Variants in CWC27 observed in about 807,000 individuals in gnomAD.
CWC27 encodes spliceosome-associated protein CWC27 homolog.
A neutral mutation model predicts 63.6 loss-of-function variants in CWC27; 47 were observed. The ratio of observed to expected loss-of-function variants is 0.74; its 90% CI spans 0.58 to 0.94. The LOEUF is 0.94. Ranked by LOEUF, CWC27 falls within the 40% of genes least tolerant of loss-of-function variation. The pLI is 0.00. For missense variants in CWC27, 495 were observed against 554.3 expected (o/e 0.89, Z 1.07); for synonymous variants, 175 against 179.8 (o/e 0.97, Z 0.22).
intron 6 of CWC27, among the ~76,000 whole-genome samples, chr5:64,787,556 AT>A (rs1743931219): frequency 2.0e-5 from 3 of 151,666 alleles, no homozygotes; most frequent in Admixed American, 6.6e-5. Flanking sequence ...GCTATTAAAA[AT>A]AATATTATTA....
chr5:64,926,130 C>T (rs1024020426), intron 11 of CWC27, among the ~76,000 whole-genome samples: 2 of 152,086 alleles, frequency 1.3e-5, no homozygotes, highest in Non-Finnish European at 2.9e-5. Flanking sequence ...TGCTACTTAC[C>T]ACATTCTGCC....
At chr5:64,989,018 C>CT (rs1306930007) in intron 13 of CWC27, among the ~76,000 whole-genome samples, 1 of 152,154 alleles carries the variant, frequency 6.6e-6, no homozygotes, top group Non-Finnish European at 1.5e-5. Context: ...TCAATACCTT[C>CT]TATTGTCGTG....
chr5:65,015,601 C>T (rs777558424), intron 13 of CWC27, among the ~76,000 whole-genome samples: 5 of 152,130 alleles, frequency 3.3e-5, no homozygotes, highest in Non-Finnish European at 5.9e-5. Context: ...CATTCTTCTG[C>T]ACTTACTTCT....
chr5:64,980,188 T>A (rs1749309349), intron 13 of CWC27, among the ~76,000 whole-genome samples: 1 of 152,224 alleles, frequency 6.6e-6, no homozygotes, highest in Admixed American at 6.5e-5. Flanking sequence ...TATTTAGTGA[T>A]AGTGATGGTA....
At chr5:64,835,213 T>G (rs1380067747) in intron 10 of CWC27, among the ~76,000 whole-genome samples, 3 of 151,928 alleles carry the variant, frequency 2.0e-5, no homozygotes, top group Middle Eastern at 3.4e-3. Flanking sequence ...CACTGTGCAT[T>G]AACATAATGT....
rs201549807 is a variant in CWC27 at position 64,922,270 on chromosome 5, T to A, written c.1042+36724T>A. Among the ~76,000 whole-genome samples, 7 of 152,364 alleles carry A rather than the reference T, an allele frequency of 4.6e-5. No individual in the cohort carries two copies. In the East Asian group the frequency reaches 1.3e-3, roughly 29 times the overall value. ...TCTTATTCTCTTTCAGGAATGTCAA[T>A]GAATTATAGGTTTGGTGTTTTTACA... On this transcript the variant is annotated intron_variant, in intron 11 of 13. Transcript: ENST00000381070.
chr5:64,822,260 A>C (rs1257331062), intron 10 of CWC27, among the ~76,000 whole-genome samples: 1 of 152,216 alleles, frequency 6.6e-6, no homozygotes, highest in African/African-American at 2.4e-5. Context: ...TGCATCCATC[A>C]AACAGTTTTT....
intron 11 of CWC27, among the ~76,000 whole-genome samples, chr5:64,927,637 C>A (rs1748145294): frequency 6.6e-6 from 1 of 152,120 alleles, no homozygotes; most frequent in Non-Finnish European, 1.5e-5. Context: ...AAAAGTCTGT[C>A]TGTATCCTCT....
intron 13 of CWC27, among the ~76,000 whole-genome samples, chr5:64,998,680 T>C (rs1458966862): frequency 6.6e-6 from 1 of 152,110 alleles, no homozygotes; most frequent in African/African-American, 2.4e-5. Context: ...TTTTCCATGA[T>C]AGTGGTGAAC....
At chr5:65,010,806 A>C (rs1749940812) in intron 13 of CWC27, among the ~76,000 whole-genome samples, 1 of 152,208 alleles carries the variant, frequency 6.6e-6, no homozygotes, top group Non-Finnish European at 1.5e-5. Context: ...ACCTTGTTTC[A>C]GCTGTTCGAG....
At chr5:64,979,135 A>G (rs1188659925) in intron 13 of CWC27, among the ~76,000 whole-genome samples, 2 of 152,228 alleles carry the variant, frequency 1.3e-5, no homozygotes, top group African/African-American at 2.4e-5. Context: ...TAGAAAGTTT[A>G]AAACGGGGAA....
chr5:65,016,096 T>A (rs776879806), intron 13 of CWC27, among the ~76,000 whole-genome samples: 2 of 152,222 alleles, frequency 1.3e-5, no homozygotes, highest in Non-Finnish European at 1.5e-5. Flanking sequence ...CTTAATACCA[T>A]GGCTGTCGAA....
At chr5:64,920,571 G>C (rs568387539) in intron 11 of CWC27, among the ~76,000 whole-genome samples, 1 of 152,294 alleles carries the variant, frequency 6.6e-6, no homozygotes, top group South Asian at 2.1e-4. Context: ...ATTCAGCTGT[G>C]AATCCATCTA....
intron 11 of CWC27, among the ~76,000 whole-genome samples, chr5:64,912,722 C>T (rs959458795): frequency 6.6e-6 from 1 of 152,110 alleles, no homozygotes; most frequent in Non-Finnish European, 1.5e-5. Flanking sequence ...CATAAAAATG[C>T]TCTCAAAATG....
At chr5:64,985,608 C>T (rs1299509036) in intron 13 of CWC27, among the ~76,000 whole-genome samples, 3 of 152,012 alleles carry the variant, frequency 2.0e-5, no homozygotes, top group African/African-American at 7.3e-5. Context: ...TGTTTGTTGG[C>T]CTGGTACCTG....
At chr5:64,803,584 T>A (rs1744557821) in intron 9 of CWC27, among the ~76,000 whole-genome samples, 2 of 152,180 alleles carry the variant, frequency 1.3e-5, no homozygotes, top group South Asian at 4.1e-4. Context: ...GGGTAACATT[T>A]GAGCAAAGAT....
rs1351401553 is a variant in CWC27 at position 64,840,735 on chromosome 5, G to A, written c.938+36349G>A. 2.6e-5 allele frequency among the ~76,000 whole-genome samples: 4 copies of A among 152,178 alleles called. No individual in the cohort carries two copies. The East Asian group carries it at 7.7e-4, about 29-fold the overall frequency. On this transcript the variant is annotated intron_variant, in intron 10 of 13. Transcript: ENST00000381070. ...GGGGCATGATCAGATTCATATTTTA[G>A]AATGGTTTCTTTGGCCTAAATATGA...
At chr5:64,819,195 A>G (rs1167916950) in intron 10 of CWC27, among the ~76,000 whole-genome samples, 5 of 152,148 alleles carry the variant, frequency 3.3e-5, no homozygotes, top group Admixed American at 2.0e-4. Flanking sequence ...TGTTAGCCAA[A>G]CTAGCTTTAT....
At chr5:64,883,737 A>G (rs1747000676) in intron 10 of CWC27, among the ~76,000 whole-genome samples, 1 of 152,226 alleles carries the variant, frequency 6.6e-6, no homozygotes, top group African/African-American at 2.4e-5. Flanking sequence ...TTAGAGGTTA[A>G]TAAAGCAGAC....
Sources: gnomAD v4.1 joint callset for allele counts (sites outside exome capture counted in the v4.1 genomes callset) on GRCh38, gnomAD v4.1.1 for gene constraint, MANE v1.5 for transcripts, NCBI Gene and HGNC (gene_info 2026-07-23, HGNC 2026-07-21) for gene names.